The following CTNNBL1 variants were observed in gnomAD, a reference collection of about 807,000 sequenced individuals.
CTNNBL1 encodes the protein catenin beta like 1, also known as beta-catenin-like protein 1.
In CTNNBL1, 31 loss-of-function variants were observed where a neutral mutation model predicts 72.7. The observed-to-expected ratio is 0.43, with a 90% CI of 0.32 to 0.58. The LOEUF (loss-of-function observed/expected upper bound fraction) is 0.58, where lower values mean the gene tolerates loss of function less well. Ranked by LOEUF, CTNNBL1 falls within the 20% of genes least tolerant of loss-of-function variation. The pLI is 0.08. For missense variants in CTNNBL1, 534 were observed against 725.1 expected, an observed-to-expected ratio of 0.74 and a Z score of 3.03; for synonymous variants, 240 against 267.3, an observed-to-expected ratio of 0.90 and a Z score of 1.00.
At chr20:37,820,528 T>G (rs1203961690) in intron 11 of CTNNBL1, among the ~76,000 whole-genome samples, 4 of 152,150 alleles carry the variant, frequency 2.6e-5, no homozygotes, top group African/African-American at 9.7e-5. Flanking sequence ...CATCTTAAAT[T>G]GTAATTCTCA....
chr20:37,760,394 A>G (rs2073405693), intron 5 of CTNNBL1, among the ~76,000 whole-genome samples: 1 of 152,166 alleles, frequency 6.6e-6, no homozygotes, highest in African/African-American at 2.4e-5. Context: ...TACCTGGAAT[A>G]CTACCTCTCA....
At position 37,869,882 on chromosome 20, in the gene CTNNBL1, GA is replaced by G. The variant is rs543828315; in HGVS notation, c.1604-2042del. ...TTTTCCTCTCTGGCTGTGGGCAGGG[GA>G]CAGTCAGAGGGCAGTGAAGGGTTGG... On this transcript the variant is annotated intron_variant, in intron 15 of 15. Transcript: ENST00000361383. Among the ~76,000 whole-genome samples, 59 of 152,214 alleles carry G rather than the reference GA, an allele frequency of 3.9e-4. No homozygotes were observed. In the South Asian group the frequency reaches 7.1e-3, roughly 18 times the overall value.
rs113164892 is a variant in CTNNBL1 at position 37,758,028 on chromosome 20, A to G, written c.564+372A>G. On this transcript the variant is annotated intron_variant, in intron 5 of 15. Transcript: ENST00000361383. ...CCAGGATTTGAACCTGTGGTCTCCT[A>G]GACTCTATGTTTTCTGCCCCTTTCT... is the stretch of plus-strand genomic sequence containing the variant. 3.1e-3 allele frequency among the ~76,000 whole-genome samples: 475 copies of G among 152,332 alleles called. 7 individuals are homozygous for G. Among genetic ancestry groups the G allele is most frequent in the African/African-American group, 9.6e-3 (400 of 41,580 alleles).
At chr20:37,705,700 G>A (rs1394885098) in intron 1 of CTNNBL1, among the ~76,000 whole-genome samples, 2 of 152,118 alleles carry the variant, frequency 1.3e-5, no homozygotes, top group Non-Finnish European at 2.9e-5. Flanking sequence ...AGATATCTCA[G>A]TTTTCCTATT....
intron 4 of CTNNBL1, chr20:37,751,768 T>C (rs2073322452): frequency 6.6e-6 from 1 of 152,276 alleles, no homozygotes; most frequent in Non-Finnish European, 1.5e-5. Context: ...TTTCTTCTAA[T>C]TGGACTGGGA....
At chr20:37,834,327 G>C (rs1334064878) in intron 11 of CTNNBL1, among the ~76,000 whole-genome samples, 2 of 151,758 alleles carry the variant, frequency 1.3e-5, no homozygotes. Flanking sequence ...AAATTATTGA[G>C]AAGTTCTGGT....
chr20:37,805,907 CTG>C (rs1036750623), intron 11 of CTNNBL1, among the ~76,000 whole-genome samples: 4 of 152,162 alleles, frequency 2.6e-5, no homozygotes, highest in African/African-American at 9.7e-5. Flanking sequence ...TGTTTCTTGA[CTG>C]TGTGAATGAA....
chr20:37,802,300 G>A (rs917535412), intron 10 of CTNNBL1, among the ~76,000 whole-genome samples: 11 of 152,158 alleles, frequency 7.2e-5, no homozygotes, highest in African/African-American at 2.4e-4. Context: ...TCTAGAATAG[G>A]CAAATCTATA....
intron 15 of CTNNBL1, among the ~76,000 whole-genome samples, chr20:37,868,938 A>G (rs2072559693): frequency 6.6e-6 from 1 of 152,162 alleles, no homozygotes; most frequent in African/African-American, 2.4e-5. Context: ...ATTAGATGCC[A>G]TAATGGTCAT....
At chr20:37,787,357 T>TC (rs1259491395) in intron 10 of CTNNBL1, among the ~76,000 whole-genome samples, 12 of 149,558 alleles carry the variant, frequency 8.0e-5, no homozygotes, top group African/African-American at 2.9e-4. Context: ...TTTTTTTTTT[T>TC]TTTTTGAGAC....
chr20:37,822,845 A>G (rs551571137), intron 11 of CTNNBL1, among the ~76,000 whole-genome samples: 5 of 152,212 alleles, frequency 3.3e-5, no homozygotes. Flanking sequence ...AGCACCCAGC[A>G]TGTGAATCCA....
intron 3 of CTNNBL1, among the ~76,000 whole-genome samples, chr20:37,739,866 C>G (rs1334589079): frequency 1.3e-5 from 2 of 152,156 alleles, no homozygotes; most frequent in African/African-American, 4.8e-5. Flanking sequence ...TATTACATCC[C>G]CATTGCTTGA....
chr20:37,821,499 C>T (rs765354947), intron 11 of CTNNBL1, among the ~76,000 whole-genome samples: 13 of 152,266 alleles, frequency 8.5e-5, no homozygotes, highest in East Asian at 5.8e-4. Flanking sequence ...CAGTGAATAA[C>T]GTTTTGCCAG....
intron 4 of CTNNBL1, among the ~76,000 whole-genome samples, chr20:37,755,708 T>C (rs1191014055): frequency 2.0e-5 from 3 of 152,238 alleles, no homozygotes; most frequent in Non-Finnish European, 4.4e-5. Context: ...TCTTATATTC[T>C]GCATCTTTTA....
intron 15 of CTNNBL1, among the ~76,000 whole-genome samples, chr20:37,867,164 G>C (rs1373506822): frequency 6.6e-6 from 1 of 152,204 alleles, no homozygotes; most frequent in East Asian, 1.9e-4. Context: ...TGTTGTCAAG[G>C]AATCTCTGTT....
chr20:37,860,121 GA>G, intron 14 of CTNNBL1, 85 bp downstream of exon 14: 1 of 1,543,656 alleles, frequency 6.5e-7, no homozygotes, highest in East Asian at 2.2e-5. Context: ...CTCAGGGAAA[GA>G]AGGGGGTCAC....
intron 13 of CTNNBL1, among the ~76,000 whole-genome samples, chr20:37,848,616 CT>C (rs1257222148): frequency 6.6e-6 from 1 of 152,156 alleles, no homozygotes; most frequent in East Asian, 1.9e-4. Flanking sequence ...CTCATTCACC[CT>C]CTACTGCCTC....
At chr20:37,765,966 A>G (rs2073464016) in intron 6 of CTNNBL1, among the ~76,000 whole-genome samples, 1 of 152,208 alleles carries the variant, frequency 6.6e-6, no homozygotes, top group Non-Finnish European at 1.5e-5. Context: ...TCACTGTCTT[A>G]TAAAACCAGA....
chr20:37,818,025 C>A (rs183589279), intron 11 of CTNNBL1, among the ~76,000 whole-genome samples: 1 of 152,292 alleles, frequency 6.6e-6, no homozygotes, highest in East Asian at 1.9e-4. Context: ...ATGAAAGAAG[C>A]CCACATCTGA....
Sources: allele counts gnomAD v4.1 joint callset (sites outside exome capture counted in the v4.1 genomes callset), GRCh38; gene constraint gnomAD v4.1.1; transcripts MANE v1.5; gene names NCBI Gene and HGNC (gene_info 2026-07-23, HGNC 2026-07-21).